ZNF469: variants seen among roughly 807,000 people sequenced by gnomAD.
ZNF469 encodes the protein zinc finger protein 469.
ZNF469 carries 1 observed loss-of-function variant against 1.0 expected under a neutral mutation model. That is an observed-to-expected ratio of 1.00 (90% CI 0.35 to 4.73). ZNF469 has a LOEUF of 4.73. ZNF469 is among the 30% of genes most tolerant of loss of function. The pLI is 0.16. For missense variants in ZNF469, 6,100 were observed against 5,356.3 expected (o/e 1.14, Z -4.33); for synonymous variants, 2,703 against 2,363.4 (o/e 1.14, Z -4.17).
the ZNF469 span, among the ~76,000 whole-genome samples, chr16:88,319,793 G>A: frequency 6.6e-6 from 1 of 152,310 alleles, no homozygotes; most frequent in South Asian, 2.1e-4. Context: ...TTCGCAGCTA[G>A]AGGACTCCCC....
the ZNF469 span, among the ~76,000 whole-genome samples, chr16:88,267,269 T>A: frequency 6.6e-6 from 1 of 152,164 alleles, no homozygotes; most frequent in Admixed American, 6.5e-5. Flanking sequence ...CCTCCACCCG[T>A]CACCACATCG....
the ZNF469 span, among the ~76,000 whole-genome samples, chr16:88,293,233 G>A: frequency 2.6e-5 from 4 of 151,892 alleles, no homozygotes; most frequent in African/African-American, 9.7e-5. Context: ...TAGATGGGTG[G>A]ATGAATGGAT....
At chr16:88,350,221 T>G in the ZNF469 span, among the ~76,000 whole-genome samples, 1 of 152,166 alleles carries the variant, frequency 6.6e-6, no homozygotes, top group African/African-American at 2.4e-5. Flanking sequence ...TCTCCAAAGG[T>G]GTCACAGTGA....
chr16:88,410,090 G>C (rs1435904827), intron 1 of ZNF469, among the ~76,000 whole-genome samples: 3 of 152,072 alleles, frequency 2.0e-5, no homozygotes, highest in Admixed American at 6.5e-5. Flanking sequence ...TGATAGATCA[G>C]ATGTGGGGGT....
the ZNF469 span, among the ~76,000 whole-genome samples, chr16:88,299,750 C>T: frequency 5.3e-5 from 8 of 152,266 alleles, no homozygotes; most frequent in African/African-American, 1.9e-4. Context: ...CCACAGGGGC[C>T]CCACTGGCTC....
the ZNF469 span, among the ~76,000 whole-genome samples, chr16:88,102,060 CA>C: frequency 7.2e-6 from 1 of 139,218 alleles, no homozygotes; most frequent in Non-Finnish European, 1.6e-5. Flanking sequence ...TTCACCCCCC[CA>C]CCCCCGCCCC....
chr16:88,431,349 G>T lies in ZNF469; in HGVS notation c.3879G>T (p.Ser1293=). The T allele has an allele frequency of 6.5e-7, 1 of 1,549,376 alleles. No individual in the cohort carries two copies. Among genetic ancestry groups the T allele is most frequent in the Non-Finnish European group, 8.7e-7 (1 of 1,146,550 alleles). The change falls in exon 3 of 3, where the codon TCG becomes TCT. Residue 1293 remains serine, a synonymous_variant. Coordinates refer to ENST00000565624, the MANE Select transcript of ZNF469 (RefSeq NM_001367624.2). Reference sequence around the variant, plus strand: ...CCAACACGGCGCCCCACGGAAGCTCGCCAACGCCAGGTGTGGGCAGCCTGC... The same window carrying T: ...CCAACACGGCGCCCCACGGAAGCTCTCCAACGCCAGGTGTGGGCAGCCTGC... The part of the protein sequence containing the change: ...SLANTAPHGS[S]PTPGVGSLLG...
In ZNF469 at chr16:88,436,308, C is replaced by T. The variant is rs956645977; in HGVS notation, c.8838C>T (p.Ser2946=). 43 of 1,549,662 alleles carry T rather than the reference C, an allele frequency of 2.8e-5. No individual in the cohort carries two copies. In the Admixed American group the frequency reaches 6.3e-4, roughly 23 times the overall value. Residue 2946 remains serine (S), a synonymous_variant, in exon 3 of 3, where the codon AGC becomes AGT. Coordinates refer to ENST00000565624, the MANE Select transcript of ZNF469 (RefSeq NM_001367624.2). ...ESFLLDGFLN[S]RVPGIDPWAP... ...TCCTCCTGGATGGGTTCCTCAATAG[C>T]AGGGTGCCTGGCATTGACCCCTGGG...
chr16:88,299,592 C>T, the ZNF469 span, among the ~76,000 whole-genome samples: 8 of 152,146 alleles, frequency 5.3e-5, no homozygotes, highest in Non-Finnish European at 1.0e-4. Context: ...GAAGCTTTGC[C>T]GTGCGGTGTG....
chr16:88,377,922 G>A, the ZNF469 span, among the ~76,000 whole-genome samples: 5 of 152,118 alleles, frequency 3.3e-5, no homozygotes, highest in African/African-American at 1.2e-4. Context: ...GCCGAGCCCT[G>A]GCCAGGTGCC....
In ZNF469 at chr16:88,436,584, G is replaced by A. The variant is rs1906594806; in HGVS notation, c.9114G>A (p.Leu3038=). 1 of 1,550,094 alleles carries A rather than the reference G, an allele frequency of 6.5e-7. No homozygotes were observed. Among genetic ancestry groups the A allele is most frequent in the South Asian group, 1.2e-5 (1 of 84,064 alleles). The change falls in exon 3 of 3, where the codon CTG becomes CTA. Residue 3038 remains leucine (L), a synonymous_variant. Coordinates refer to ENST00000565624, the MANE Select transcript of ZNF469 (RefSeq NM_001367624.2). ...GTGGGCTTCCCGGGAACACCCACCT[G>A]CTGCCGCTCCGTGCCACGGACTTTG... ...CDGGLPGNTH[L]LPLRATDFEV...
At chr16:88,201,626 G>C in the ZNF469 span, among the ~76,000 whole-genome samples, 1 of 152,186 alleles carries the variant, frequency 6.6e-6, no homozygotes, top group Non-Finnish European at 1.5e-5. The surrounding 1 kb of genome is among the most constrained non-coding windows in gnomAD (Gnocchi z 5.0). Flanking sequence ...GCTGGGCACA[G>C]ACAGCTGTGG....
At chr16:88,317,075 C>T in the ZNF469 span, among the ~76,000 whole-genome samples, 262 of 152,300 alleles carry the variant, frequency 1.7e-3, 1 homozygote, top group African/African-American at 6.0e-3. Flanking sequence ...AGAGAGGGGC[C>T]GGCCGGCCAG....
At position 88,434,196 on chromosome 16, in the gene ZNF469, G is replaced by A. The variant is rs1906402494; in HGVS notation, c.6726G>A (p.Gly2242=). ...GTGCTGTAACCTGCACTCACAGTGG[G>A]GACACCCCCAAAGACAGCACTTTAA... The part of the protein sequence containing the change: ...SVSAVTCTHS[G]DTPKDSTLRI... Residue 2242 remains glycine (G), a synonymous_variant, in exon 3 of 3, where the codon GGG becomes GGA. Transcript: ENST00000565624. 1.9e-6 allele frequency: 3 copies of A among 1,550,228 alleles called. No homozygotes were observed. The highest frequency in any genetic ancestry group is 8.7e-7 in the Non-Finnish European group (1 of 1,146,984).
At chr16:88,282,219 A>G in the ZNF469 span, among the ~76,000 whole-genome samples, 1 of 152,318 alleles carries the variant, frequency 6.6e-6, no homozygotes, top group East Asian at 1.9e-4. Context: ...TTTGGGAGAC[A>G]CAGCTCAGAG....
the ZNF469 span, among the ~76,000 whole-genome samples, chr16:88,291,292 C>T: frequency 6.6e-6 from 1 of 152,190 alleles, no homozygotes; most frequent in African/African-American, 2.4e-5. Context: ...TCCAGGGGCT[C>T]GGCTGCTGCA....
At chr16:88,293,557 T>C in the ZNF469 span, among the ~76,000 whole-genome samples, 2 of 152,202 alleles carry the variant, frequency 1.3e-5, no homozygotes, top group African/African-American at 2.4e-5. Context: ...AGGGAAATGA[T>C]GATCCATCAC....
Position 88,429,382 on chromosome 16 carries a change from C to G in ZNF469, c.1912C>G (p.Pro638Ala), listed in dbSNP as rs1905958315. ...CGGGCCCTCGGCCTTCTTCCACCCACCCACTCACCCCCAGGAGACGGGCAG... is the reference window on the plus strand; with the variant it reads ...CGGGCCCTCGGCCTTCTTCCACCCAGCCACTCACCCCCAGGAGACGGGCAG... The part of the protein sequence containing the change: ...PLGPSAFFHP[P>A]THPQETGSPF... The change falls in exon 3 of 3, where the codon CCC (proline) becomes GCC (alanine). Residue 638 changes from proline to alanine, a missense_variant. Transcript: ENST00000565624. 8 of 1,549,432 alleles carry G rather than the reference C, an allele frequency of 5.2e-6. No individual in the cohort carries two copies. The South Asian group carries it at 5.9e-5, about 12-fold the overall frequency.
chr16:88,357,177 C>T, the ZNF469 span, among the ~76,000 whole-genome samples: 11 of 152,354 alleles, frequency 7.2e-5, no homozygotes, highest in East Asian at 1.3e-3. Flanking sequence ...CCTTCTGGGA[C>T]GATGACAGAG....
Sources: allele counts gnomAD v4.1 joint callset (sites outside exome capture counted in the v4.1 genomes callset), GRCh38; gene constraint gnomAD v4.1.1; non-coding constraint Gnocchi (gnomAD v3.1); transcripts MANE v1.5; gene names NCBI Gene and HGNC (gene_info 2026-07-23, HGNC 2026-07-21).